Variants in TBC1D12 observed in about 807,000 individuals in gnomAD.
The protein encoded by TBC1D12 is TBC1 domain family member 12, also known as TBC1 domain family, member 12.
In TBC1D12, 56 loss-of-function variants were observed where a neutral mutation model predicts 86.7. The observed-to-expected ratio is 0.65, with a 90% CI of 0.52 to 0.81. The LOEUF (loss-of-function observed/expected upper bound fraction) is 0.81, where lower values mean the gene tolerates loss of function less well. Among genes scored for constraint, TBC1D12 ranks in the 30% least tolerant of loss-of-function variants. The pLI is 0.00. For synonymous variants in TBC1D12, 421 were observed against 411.7 expected (o/e 1.02, Z -0.27); for missense variants, 1,023 against 1,038.8 (o/e 0.98, Z 0.21).
At chr10:94,502,109 G>A (rs1423911047) in intron 6 of TBC1D12, among the ~76,000 whole-genome samples, 1 of 151,888 alleles carries the variant, frequency 6.6e-6, no homozygotes, top group Non-Finnish European at 1.5e-5. Flanking sequence ...AACGCGGGTG[G>A]ATCAACTGAG....
intron 9 of TBC1D12, among the ~76,000 whole-genome samples, chr10:94,518,035 T>C (rs958238062): frequency 1.3e-5 from 2 of 151,726 alleles, no homozygotes; most frequent in Non-Finnish European, 2.9e-5. Context: ...GGCCTGTAAT[T>C]CGAGCTACTC....
At chr10:94,504,231 A>G (rs2056434153) in intron 6 of TBC1D12, among the ~76,000 whole-genome samples, 1 of 152,198 alleles carries the variant, frequency 6.6e-6, no homozygotes, top group Admixed American at 6.5e-5. Flanking sequence ...TATGTTTGCA[A>G]TTTTTATTGA....
intron 11 of TBC1D12, 60 bp downstream of exon 11, chr10:94,522,513 G>A: frequency 1.3e-6 from 1 of 760,686 alleles, no homozygotes; most frequent in African/African-American, 1.9e-5. Flanking sequence ...AACTTTTTGT[G>A]TGTTTTAGGA....
intron 1 of TBC1D12, among the ~76,000 whole-genome samples, chr10:94,427,833 CAAAAAA>C (rs71031576): frequency 0.012 from 834 of 67,066 alleles, 6 homozygotes; most frequent in African/African-American, 0.044. Context: ...CCCTGTCTCA[CAAAAAA>C]AAAAAAAAAA....
intron 2 of TBC1D12, among the ~76,000 whole-genome samples, chr10:94,447,320 G>GTA (rs989614631): frequency 6.6e-5 from 10 of 151,458 alleles, no homozygotes; most frequent in South Asian, 2.1e-4. Flanking sequence ...ATATAGATGT[G>GTA]TATATATATA....
chr10:94,439,502 C>T lies in TBC1D12; in HGVS notation c.972-2394C>T, dbSNP rs146146552. On this transcript the variant is annotated intron_variant, in intron 1 of 12. Transcript: ENST00000225235. ...TTTTTTGTTGAGCAGGCTGCAGGAA[C>T]GCCATCTCCAGGTTGAGGCTGCAGG... 5.1e-3 allele frequency among the ~76,000 whole-genome samples: 783 copies of T among 152,162 alleles called. 2 individuals are homozygous for T. Among genetic ancestry groups the T allele is most frequent in the Non-Finnish European group, 6.6e-3 (447 of 67,992 alleles).
At chr10:94,443,334 G>C (rs562782323) in intron 2 of TBC1D12, among the ~76,000 whole-genome samples, 1 of 152,216 alleles carries the variant, frequency 6.6e-6, no homozygotes, top group Admixed American at 6.5e-5. Flanking sequence ...CAAGAGACTT[G>C]GTATTGCTAT....
rs1258205401 is a variant in TBC1D12 at position 94,535,208 on chromosome 10, A to G, written c.*2112A>G. The G allele has an allele frequency of 6.6e-6, 1 of 152,170 alleles. No homozygotes were observed. The highest frequency in any genetic ancestry group is 1.9e-4 in the East Asian group (1 of 5,192). 9.4% of individuals were successfully genotyped at this position (152,170 alleles called of 1,614,324 possible). A position where few individuals can be genotyped will look rare whatever the true frequency, so the allele number is the denominator to read the frequency against. ...GCGAACACATCTTTAGGTGGGGGCA[A>G]GGCTATATCTGATTGACAGAGATCT... On this transcript the variant is annotated 3_prime_UTR_variant, in exon 13 of 13. Coordinates refer to ENST00000225235, the MANE Select transcript of TBC1D12 (RefSeq NM_015188.2).
chr10:94,512,241 A>G (rs760486508), intron 9 of TBC1D12, among the ~76,000 whole-genome samples: 6 of 152,188 alleles, frequency 3.9e-5, no homozygotes, highest in Non-Finnish European at 8.8e-5. Context: ...ACTATTAACT[A>G]TCTACTGTAT....
chr10:94,520,821 G>A (rs1258971226), intron 9 of TBC1D12, among the ~76,000 whole-genome samples: 3 of 151,704 alleles, frequency 2.0e-5, no homozygotes, highest in Non-Finnish European at 2.9e-5. Context: ...CACCACGCCC[G>A]GTTAATTTTT....
At chr10:94,514,050 CAAAAAAA>C (rs34400993) in intron 9 of TBC1D12, among the ~76,000 whole-genome samples, 1 of 133,828 alleles carries the variant, frequency 7.5e-6, no homozygotes, top group African/African-American at 2.7e-5. Context: ...AAAAAAAAAA[CAAAAAAA>C]AAAAAACAGG....
chr10:94,498,383 C>A, intron 5 of TBC1D12, among the ~76,000 whole-genome samples: 1 of 151,992 alleles, frequency 6.6e-6, no homozygotes, highest in South Asian at 2.1e-4. Flanking sequence ...AGTTATTTTG[C>A]CAGCATCTTT....
intron 7 of TBC1D12, 61 bp downstream of exon 7, chr10:94,507,408 C>T (rs151183771): frequency 4.3e-6 from 6 of 1,407,364 alleles, no homozygotes; most frequent in Middle Eastern, 1.8e-4. Context: ...GAGCATGTAT[C>T]AGAAGCTGTA....
In TBC1D12 at chr10:94,535,424, C is replaced by G. The variant is rs924544925; in HGVS notation, c.*2328C>G. 1 of 152,104 alleles carries G rather than the reference C, an allele frequency of 6.6e-6. No homozygotes were observed. Among genetic ancestry groups the G allele is most frequent in the East Asian group, 1.9e-4 (1 of 5,192 alleles). 9.4% of individuals were successfully genotyped at this position (152,104 alleles called of 1,614,324 possible). ...TTAGTGTATATAGTTTTCAAACTAACAAGCCTGCGATCCTTGTTAGTGTAG... is the reference window on the plus strand; with the variant it reads ...TTAGTGTATATAGTTTTCAAACTAAGAAGCCTGCGATCCTTGTTAGTGTAG... On this transcript the variant is annotated 3_prime_UTR_variant, in exon 13 of 13. Coordinates refer to ENST00000225235, the MANE Select transcript of TBC1D12 (RefSeq NM_015188.2).
chr10:94,450,643 G>C (rs9633675), intron 2 of TBC1D12, among the ~76,000 whole-genome samples: 78,006 of 151,750 alleles, frequency 0.51, 20,462 homozygotes, highest in East Asian at 0.82. Flanking sequence ...AGTAACGATC[G>C]AGCAATCCCG....
intron 3 of TBC1D12, among the ~76,000 whole-genome samples, chr10:94,489,627 C>G (rs1216151443): frequency 6.6e-6 from 1 of 152,196 alleles, no homozygotes; most frequent in Non-Finnish European, 1.5e-5. Context: ...ATGCCTTCCT[C>G]ATTAAGCTTA....
At chr10:94,447,863 A>T (rs939042863) in intron 2 of TBC1D12, among the ~76,000 whole-genome samples, 1 of 148,934 alleles carries the variant, frequency 6.7e-6, no homozygotes, top group Non-Finnish European at 1.5e-5. Flanking sequence ...TGTAATTATG[A>T]TACAATTGCA....
chr10:94,531,911 T>TTATGTTATGTTATGTTATGTTATG, intron 12 of TBC1D12, among the ~76,000 whole-genome samples: 2 of 71,988 alleles, frequency 2.8e-5, no homozygotes, highest in Non-Finnish European at 5.6e-5. Context: ...GTTATGTTAT[T>TTATGTTATGTTATGTTATGTTATG]TTATTGTCAC....
intron 2 of TBC1D12, among the ~76,000 whole-genome samples, chr10:94,459,558 G>A (rs556743381): frequency 7.9e-5 from 12 of 152,354 alleles, no homozygotes; most frequent in East Asian, 3.9e-4. Flanking sequence ...GGTGCCCGTC[G>A]GGGAGGCTCG....
Sources: gnomAD v4.1 joint callset for allele counts (sites outside exome capture counted in the v4.1 genomes callset) on GRCh38, gnomAD v4.1.1 for gene constraint, MANE v1.5 for transcripts, NCBI Gene and HGNC (gene_info 2026-07-23, HGNC 2026-07-21) for gene names.